Variants in THSD4 observed in about 807,000 individuals in gnomAD.
THSD4 encodes thrombospondin type-1 domain-containing protein 4.
Under a neutral mutation model 119.0 loss-of-function variants are expected in THSD4, and 69 were observed. That is an observed-to-expected ratio of 0.58 (90% CI 0.48 to 0.71). THSD4 has a LOEUF of 0.71. THSD4 is among the 30% of genes least tolerant of loss of function. THSD4 has a pLI of 0.00. For missense variants in THSD4, 1,393 were observed against 1,391.1 expected (o/e 1.00, Z -0.02); for synonymous variants, 524 against 540.4 (o/e 0.97, Z 0.42).
chr15:71,527,808 G>C (rs2048547791), intron 7 of THSD4, among the ~76,000 whole-genome samples: 1 of 143,362 alleles, frequency 7.0e-6, no homozygotes, highest in African/African-American at 2.6e-5. Flanking sequence ...AGCCTCCCAG[G>C]TTCAAGTGAT....
intron 8 of THSD4, among the ~76,000 whole-genome samples, chr15:71,727,833 A>T (rs983097270): frequency 1.3e-5 from 2 of 151,208 alleles, no homozygotes; most frequent in African/African-American, 2.4e-5. Flanking sequence ...CAATGCAAGT[A>T]TGATAAATGA....
chr15:71,713,954 C>G (rs2052560674), intron 8 of THSD4, among the ~76,000 whole-genome samples: 1 of 152,104 alleles, frequency 6.6e-6, no homozygotes. Flanking sequence ...ATCTTATTTC[C>G]TTGTTCCAAT....
intron 11 of THSD4, 70 bp downstream of exon 11, chr15:71,738,077 C>T: frequency 6.4e-7 from 1 of 1,569,092 alleles, no homozygotes; most frequent in Non-Finnish European, 8.7e-7. Context: ...TGGCCCAAGG[C>T]AGCGGTCCCC....
rs1223002723 is a variant in THSD4, at chr15:71,757,931, G to T, written c.2445G>T (p.Arg815=). The T allele has an allele frequency of 1.2e-6, 2 of 1,613,836 alleles. No individual in the cohort carries two copies. The highest frequency in any genetic ancestry group is 2.2e-5 in the East Asian group (1 of 44,882). Residue 815 remains arginine, a synonymous_variant, in exon 15 of 18, where the codon CGG becomes CGT. Transcript: ENST00000261862. ...CAGCGGAGTGTGGGGCCGGAGTGCG[G>T]ACACGCTCGGTGGTGTGCATGACCA... ...RCSAECGAGV[R]TRSVVCMTNH...
At chr15:71,713,573 T>C (rs1344569519) in intron 8 of THSD4, among the ~76,000 whole-genome samples, 1 of 152,208 alleles carries the variant, frequency 6.6e-6, no homozygotes, top group Non-Finnish European at 1.5e-5. Context: ...AAAGCTTCAT[T>C]GTGATATTTC....
chr15:71,296,138 G>A (rs1318561272), intron 6 of THSD4, among the ~76,000 whole-genome samples: 2 of 152,162 alleles, frequency 1.3e-5, no homozygotes, highest in South Asian at 4.1e-4. Context: ...TTTTGTGAGG[G>A]CGTATGTTTT....
At chr15:71,522,670 A>G (rs1002601876) in intron 7 of THSD4, among the ~76,000 whole-genome samples, 1 of 152,254 alleles carries the variant, frequency 6.6e-6, no homozygotes, top group Non-Finnish European at 1.5e-5. Context: ...GTGAAGAAAT[A>G]CAAAGCAAGG....
chr15:71,636,517 A>G (rs2050747175), intron 7 of THSD4, among the ~76,000 whole-genome samples: 1 of 152,190 alleles, frequency 6.6e-6, no homozygotes, highest in Non-Finnish European at 1.5e-5. Context: ...AGAGATACTC[A>G]AAGTGTTAGT....
At chr15:71,199,913 TGG>T (rs869157405) in intron 3 of THSD4, among the ~76,000 whole-genome samples, 17 of 107,324 alleles carry the variant, frequency 1.6e-4, no homozygotes, top group African/African-American at 4.8e-4. Flanking sequence ...GGTGCATGTG[TGG>T]GGTGTGTGTG....
chr15:71,447,814 A>C (rs1384847819), intron 7 of THSD4, among the ~76,000 whole-genome samples: 1 of 152,160 alleles, frequency 6.6e-6, no homozygotes, highest in Non-Finnish European at 1.5e-5. Flanking sequence ...CTTACAATTC[A>C]TCACAGGCTT....
intron 6 of THSD4, among the ~76,000 whole-genome samples, chr15:71,356,877 G>A (rs753345907): frequency 2.4e-4 from 37 of 152,166 alleles, no homozygotes; most frequent in Admixed American, 1.2e-3. Flanking sequence ...TAGAGCACCA[G>A]TAGCACTGTA....
chr15:71,362,262 C>A (rs964096792), intron 6 of THSD4, among the ~76,000 whole-genome samples: 8 of 152,144 alleles, frequency 5.3e-5, no homozygotes, highest in Non-Finnish European at 1.0e-4. Flanking sequence ...CTGGTTGACA[C>A]AGTGAGACTA....
chr15:71,168,926 G>A (rs980586603), intron 3 of THSD4, among the ~76,000 whole-genome samples: 2 of 152,138 alleles, frequency 1.3e-5, no homozygotes, highest in African/African-American at 4.8e-5. Context: ...TCTTAAACAA[G>A]ACACAAAAAT....
intron 7 of THSD4, among the ~76,000 whole-genome samples, chr15:71,459,346 GTCTC>G (rs57397281): frequency 3.4e-4 from 41 of 121,028 alleles, no homozygotes; most frequent in African/African-American, 8.7e-4. Context: ...CTGTCTCTCT[GTCTC>G]TCTCTCTCTC....
intron 7 of THSD4, among the ~76,000 whole-genome samples, chr15:71,563,327 ACT>A (rs1316273273): frequency 2.0e-5 from 3 of 151,884 alleles, no homozygotes; most frequent in African/African-American, 4.8e-5. Flanking sequence ...GATAGTAAAG[ACT>A]CTGTTAGTAC....
chr15:71,132,998 T>C (rs1488342789), intron 1 of THSD4, among the ~76,000 whole-genome samples: 1 of 152,224 alleles, frequency 6.6e-6, no homozygotes, highest in African/African-American at 2.4e-5. Flanking sequence ...TGGAATGAGA[T>C]GGGTCATCAT....
chr15:71,548,821 C>A (rs1043928250), intron 7 of THSD4, among the ~76,000 whole-genome samples: 4 of 152,122 alleles, frequency 2.6e-5, no homozygotes, highest in Non-Finnish European at 5.9e-5. Context: ...TTTAAGCAGG[C>A]GAGAGGAGAG....
At position 71,731,732 on chromosome 15, in the gene THSD4, C is replaced by T. The variant is rs538979766; in HGVS notation, c.1630+515C>T. The T allele has an allele frequency of 2.5e-5, 4 of 161,416 alleles. No individual in the cohort carries two copies. The South Asian group carries it at 5.3e-4, about 21-fold the overall frequency. The allele number at this position is 161,416 out of a possible 1,614,324, so 10.0% of individuals were successfully genotyped here. On this transcript the variant is annotated intron_variant, in intron 10 of 17. Coordinates refer to ENST00000261862, the MANE Select transcript of THSD4 (RefSeq NM_024817.3). ...CAAGGAGGTTGGGGCTGCAGTGAGC[C>T]GTGATCAGACCACTGAACTCCAGCC...
At position 71,223,449 on chromosome 15, in the gene THSD4, GA is replaced by G. The variant is rs2043991127; in HGVS notation, c.464+8052del. 2.0e-5 allele frequency among the ~76,000 whole-genome samples: 3 copies of G among 152,326 alleles called. No individual in the cohort carries two copies. The South Asian group carries it at 6.2e-4, about 32-fold the overall frequency. On this transcript the variant is annotated intron_variant, in intron 4 of 17. Coordinates refer to ENST00000261862, the MANE Select transcript of THSD4 (RefSeq NM_024817.3). ...GAAACTGGCTCTACTGTGAACTCCA[GA>G]AGCCCAGAGGAAACACTACCCGCTG...
Sources: gnomAD v4.1 joint callset for allele counts (sites outside exome capture counted in the v4.1 genomes callset) on GRCh38, gnomAD v4.1.1 for gene constraint, MANE v1.5 for transcripts, NCBI Gene and HGNC (gene_info 2026-07-23, HGNC 2026-07-21) for gene names.